CAGE1: variants seen among roughly 807,000 people sequenced by gnomAD.
CAGE1 encodes cancer-associated gene 1 protein.
A neutral mutation model predicts 94.9 loss-of-function variants in CAGE1; 66 were observed. The observed-to-expected ratio is 0.70, with a 90% CI of 0.57 to 0.85. The LOEUF (loss-of-function observed/expected upper bound fraction) is 0.85. Ranked by LOEUF, CAGE1 falls within the 40% of genes least tolerant of loss-of-function variation. CAGE1 has a pLI of 0.00. For missense variants in CAGE1, 865 were observed against 950.4 expected (o/e 0.91, Z 1.18); for synonymous variants, 319 against 321.0 (o/e 0.99, Z 0.07).
At chr6:7,357,956 G>T (rs1327416511) in intron 9 of CAGE1, among the ~76,000 whole-genome samples, 6 of 145,220 alleles carry the variant, frequency 4.1e-5, no homozygotes, top group African/African-American at 1.5e-4. Context: ...ACCACACCTG[G>T]CTAGTTTTCA....
At chr6:7,364,337 G>C (rs1250045338) in intron 9 of CAGE1, among the ~76,000 whole-genome samples, 2 of 152,108 alleles carry the variant, frequency 1.3e-5, no homozygotes, top group Admixed American at 6.6e-5. Flanking sequence ...CTGATAAACA[G>C]TTATTTATGT....
At position 7,338,265 on chromosome 6, in the gene CAGE1, G is replaced by T. The variant is rs146807404; in HGVS notation, c.2370-4175C>A. On this transcript the variant is annotated intron_variant, in intron 11 of 13. Coordinates refer to ENST00000502583, the MANE Select transcript of CAGE1 (RefSeq NM_001170692.2). ...AATTTGGATGAGTGTTATTTTTCTT[G>T]CCTGATTGTACTGGACAGAACTTCC... Among the ~76,000 whole-genome samples, 15 of 152,096 alleles carry T rather than the reference G, an allele frequency of 9.9e-5. No individual in the cohort carries two copies. In the East Asian group the frequency reaches 2.5e-3, roughly 25 times the overall value.
At chr6:7,387,594 C>T (rs1761162007) in intron 1 of CAGE1, among the ~76,000 whole-genome samples, 1 of 151,888 alleles carries the variant, frequency 6.6e-6, no homozygotes, top group Admixed American at 6.6e-5. Flanking sequence ...TAACTGTTTT[C>T]CCTCCTCACT....
intron 5 of CAGE1, among the ~76,000 whole-genome samples, 191 bp from the exon 6 acceptor site, chr6:7,370,256 T>TA (rs1481140736): frequency 1.3e-5 from 2 of 152,322 alleles, no homozygotes; most frequent in Admixed American, 6.5e-5. Context: ...TCTTTTAAAG[T>TA]AGCAATAACT....
chr6:7,376,296 G>A (rs765745832), intron 4 of CAGE1, among the ~76,000 whole-genome samples: 2 of 152,046 alleles, frequency 1.3e-5, no homozygotes, highest in Non-Finnish European at 2.9e-5. Context: ...GGGTGAAGCA[G>A]GAGAATTGCT....
chr6:7,344,366 C>T (rs1031631139), intron 11 of CAGE1, among the ~76,000 whole-genome samples: 3 of 152,256 alleles, frequency 2.0e-5, no homozygotes, highest in African/African-American at 4.8e-5. Flanking sequence ...CCCGGGCCAG[C>T]GGCTGCAGAG....
rs948248318 is a variant in CAGE1, at chr6:7,373,058, A to T, written c.1746+15T>A. ...TTGAAATTCCGCATTAGAGATTTAG[A>T]ATGTGTATCAATACCTTGGTAATAT... On this transcript the variant is annotated intron_variant, in intron 5 of 13. Transcript: ENST00000502583. 4 of 1,544,696 alleles carry T rather than the reference A, an allele frequency of 2.6e-6. No homozygotes were observed. In the Admixed American group the frequency reaches 7.8e-5, roughly 30 times the overall value.
intron 3 of CAGE1, 72 bp downstream of exon 3, chr6:7,385,713 G>T: frequency 2.5e-6 from 2 of 794,188 alleles, no homozygotes; most frequent in Non-Finnish European, 2.0e-6. Context: ...ACAAAACCTG[G>T]CTATTGTTAC....
intron 11 of CAGE1, among the ~76,000 whole-genome samples, chr6:7,346,260 A>G: frequency 6.6e-6 from 1 of 152,324 alleles, no homozygotes; most frequent in Middle Eastern, 3.4e-3. Context: ...TTGATTTTTT[A>G]AAAAGTAAAT....
chr6:7,333,959 C>T, intron 12 of CAGE1, 63 bp downstream of exon 12: 3 of 1,072,476 alleles, frequency 2.8e-6, no homozygotes, highest in Non-Finnish European at 2.7e-6. Context: ...TGAGCCACCG[C>T]ACTTGGCCAT....
chr6:7,357,951 A>C (rs1416689318), intron 9 of CAGE1, among the ~76,000 whole-genome samples: 3 of 147,104 alleles, frequency 2.0e-5, no homozygotes, highest in Non-Finnish European at 3.0e-5. Flanking sequence ...ATGCCACCAC[A>C]CCTGGCTAGT....
chr6:7,371,456 A>G (rs1039405175), intron 5 of CAGE1, among the ~76,000 whole-genome samples: 2 of 152,194 alleles, frequency 1.3e-5, no homozygotes, highest in African/African-American at 4.8e-5. Flanking sequence ...GGACATCTTA[A>G]GGTAACATCA....
At chr6:7,386,324 G>A (rs1360402142) in intron 2 of CAGE1, among the ~76,000 whole-genome samples, 1 of 152,098 alleles carries the variant, frequency 6.6e-6, no homozygotes, top group African/African-American at 2.4e-5. Flanking sequence ...ACTATCAAAC[G>A]TTTAGCACAA....
At chr6:7,345,344 A>G (rs573438559) in intron 11 of CAGE1, among the ~76,000 whole-genome samples, 4 of 145,944 alleles carry the variant, frequency 2.7e-5, no homozygotes, top group East Asian at 3.9e-4. Flanking sequence ...CAGCAGGATG[A>G]AAGAAACTCT....
intron 10 of CAGE1, 48 bp from the exon 11 acceptor site, chr6:7,355,159 A>AT: frequency 1.4e-6 from 2 of 1,387,922 alleles, no homozygotes; most frequent in South Asian, 1.3e-5. Context: ...TAGAATTTTT[A>AT]TTTTTTTCTT....
intron 11 of CAGE1, among the ~76,000 whole-genome samples, chr6:7,335,678 G>A (rs1489788205): frequency 6.6e-6 from 1 of 152,216 alleles, no homozygotes; most frequent in African/African-American, 2.4e-5. Flanking sequence ...CTCCCGGGCT[G>A]AAGCAATCCT....
chr6:7,333,974 C>T, intron 12 of CAGE1, 48 bp downstream of exon 12: 1 of 1,248,132 alleles, frequency 8.0e-7, no homozygotes, highest in Non-Finnish European at 1.1e-6. Context: ...GGCCATATTA[C>T]CTATATTTTA....
At chr6:7,361,481 CTG>C (rs140284720) in intron 9 of CAGE1, among the ~76,000 whole-genome samples, 2 of 151,712 alleles carry the variant, frequency 1.3e-5, no homozygotes, top group African/African-American at 2.4e-5. Context: ...AATGTTTTAG[CTG>C]TGTGTGTGTG....
chr6:7,369,248 T>C (rs966748737), intron 6 of CAGE1, among the ~76,000 whole-genome samples: 1 of 152,178 alleles, frequency 6.6e-6, no homozygotes, highest in Non-Finnish European at 1.5e-5. Flanking sequence ...CCTCAGGTGA[T>C]CTGCCCGCCT....
Sources: allele counts gnomAD v4.1 joint callset (sites outside exome capture counted in the v4.1 genomes callset), GRCh38; gene constraint gnomAD v4.1.1; transcripts MANE v1.5; gene names NCBI Gene and HGNC (gene_info 2026-07-23, HGNC 2026-07-21).